The following SPEG variants were observed in gnomAD, a reference collection of about 807,000 sequenced individuals.
The protein encoded by SPEG is striated muscle enriched protein kinase.
SPEG carries 114 observed loss-of-function variants against 300.4 expected under a neutral mutation model. That is an observed-to-expected ratio of 0.38 (90% CI 0.33 to 0.44). The LOEUF is 0.44. Ranked by LOEUF, SPEG falls within the 20% of genes least tolerant of loss-of-function variation. SPEG has a pLI of 1.00. For synonymous variants in SPEG, 1,964 were observed against 2,018.9 expected (o/e 0.97, Z 0.73); for missense variants, 4,201 against 4,586.2 (o/e 0.92, Z 2.43).
intron 6 of SPEG, among the ~76,000 whole-genome samples, chr2:219,460,046 C>T (rs1690520397): frequency 6.6e-6 from 1 of 152,248 alleles, no homozygotes; most frequent in Admixed American, 6.5e-5. Flanking sequence ...AATGGGTTCT[C>T]ATGATAAGGG....
rs1361654243 is a variant in SPEG at position 219,451,256 on chromosome 2, T to C, written c.2234T>C (p.Ile745Thr). 1 of 1,612,484 alleles carries C rather than the reference T, an allele frequency of 6.2e-7. No homozygotes were observed. Among genetic ancestry groups the C allele is most frequent in the Non-Finnish European group, 8.5e-7 (1 of 1,179,460 alleles). The change falls in exon 5 of 41, where the codon ATC becomes ACC. Residue 745 changes from isoleucine (I) to threonine (T), a missense_variant. Physicochemically the swap from Ile to Thr is moderately conservative, Grantham distance 89. Around this residue, in one of 4 missense-constraint regions of SPEG, gnomAD observed 1,258 missense variants for 1,293.9 expected, o/e 0.97. Transcript: ENST00000312358. This position sits in a 1 kb window ranked among gnomAD's most constrained non-coding sequence, Gnocchi z 6.4. Reference sequence around the variant, plus strand: ...GCAGATGTGCTGCTCAAGTGTATCATCACTGCCAACCCCCCGCCCCAAGGT... The same window carrying C: ...GCAGATGTGCTGCTCAAGTGTATCACCACTGCCAACCCCCCGCCCCAAGGT... ...PGADVLLKCIITANPPPQVSW... is the reference protein window; with the variant it reads ...PGADVLLKCITTANPPPQVSW...
At position 219,466,368 on chromosome 2, in the gene SPEG, G is replaced by A. The variant is rs950358902; in HGVS notation, c.2882-806G>A. On this transcript the variant is annotated intron_variant, in intron 9 of 40. Transcript: ENST00000312358. ...AACCCCCCGAGTCTCTCCCTGAAGG[G>A]GAGCACCGGGCGAGTGCATGTGCTA... 5 of 1,385,982 alleles carry A rather than the reference G, an allele frequency of 3.6e-6. No homozygotes were observed. In the African/African-American group the frequency reaches 7.3e-5, roughly 20 times the overall value. 85.9% of individuals were successfully genotyped at this position (1,385,982 alleles called of 1,614,324 possible).
Position 219,462,353 on chromosome 2 carries a change from G to A in SPEG, c.2672G>A (p.Arg891His), listed in dbSNP as rs547176817. Residue 891 changes from arginine to histidine, a missense_variant, in exon 8 of 41, where the codon CGC (arginine) becomes CAC (histidine). Around this residue, in one of 4 missense-constraint regions of SPEG, gnomAD observed 1,047 missense variants for 1,356.8 expected, o/e 0.77. Coordinates refer to ENST00000312358, the MANE Select transcript of SPEG (RefSeq NM_005876.5). ...GGCCAAGATGTCATCATGAGCATCC[G>A]CGTGCAGGGGGAGCCCAAGCCTGTG... is the stretch of plus-strand genomic sequence containing the variant. ...REGQDVIMSIRVQGEPKPVVS... is the reference protein window; with the variant it reads ...REGQDVIMSIHVQGEPKPVVS... 46 of 1,566,048 alleles carry A rather than the reference G, an allele frequency of 2.9e-5. No homozygotes were observed. Among genetic ancestry groups the A allele is most frequent in the South Asian group, 9.4e-5 (8 of 85,130 alleles).
chr2:219,472,050 C>T, intron 14 of SPEG, 63 bp downstream of exon 14: 2 of 1,593,564 alleles, frequency 1.3e-6, no homozygotes, highest in South Asian at 1.1e-5. Context: ...TACGTGGGGG[C>T]TCAGGGAAAG....
At position 219,490,566 on chromosome 2, in the gene SPEG, G is replaced by C. The variant is rs376483388; in HGVS notation, c.9079G>C (p.Glu3027Gln). The C allele has an allele frequency of 3.1e-6, 5 of 1,614,018 alleles. No homozygotes were observed. The change falls in exon 37 of 41, where the codon GAG becomes CAG. Residue 3027 changes from glutamate (E) to glutamine (Q), a missense_variant. Transcript: ENST00000312358. ...LHHERIMSLH[E>Q]AYITPRYLVL... is the part of the protein sequence containing the mutation. Reference sequence around the variant, plus strand: ...CCACGAGCGGATCATGTCCCTGCACGAGGCCTACATCACCCCTCGGTACCT... The same window carrying C: ...CCACGAGCGGATCATGTCCCTGCACCAGGCCTACATCACCCCTCGGTACCT...
Position 219,449,275 on chromosome 2 carries a change from A to C in SPEG, c.2113+4A>C. 7.2e-7 allele frequency: 1 copy of C among 1,381,770 alleles called. No individual in the cohort carries two copies. The highest frequency in any genetic ancestry group is 9.4e-7 in the Non-Finnish European group (1 of 1,068,362). The allele number at this position is 1,381,770 out of a possible 1,614,324, so 85.6% of individuals were successfully genotyped here. On this transcript the variant is annotated splice_donor_region_variant and intron_variant, in intron 4 of 40. Transcript: ENST00000312358. ...CGGCCCACCTCCCCTGAGCTCGGTA[A>C]GGCCTCAGGGAGGGCTGACAAGGTG...
intron 1 of SPEG, chr2:219,441,874 T>C (rs886887298): frequency 3.4e-5 from 7 of 208,040 alleles, no homozygotes; most frequent in Non-Finnish European, 5.7e-5. Flanking sequence ...CCGCCGCCGC[T>C]GCTGCCGCCG....
Position 219,469,397 on chromosome 2 carries a change from T to TC in SPEG, c.3715+22dup. On this transcript the variant is annotated intron_variant, in intron 13 of 40. Coordinates refer to ENST00000312358, the MANE Select transcript of SPEG (RefSeq NM_005876.5). Reference sequence around the variant, plus strand: ...GACACAGTGTACGTGTCTGGGAAGTTCCCCGGGAGTGTCCCCTGCAGCACC... The same window carrying TC: ...GACACAGTGTACGTGTCTGGGAAGTTCCCCCGGGAGTGTCCCCTGCAGCACC... 3 of 1,596,066 alleles carry TC rather than the reference T, an allele frequency of 1.9e-6. No individual in the cohort carries two copies. Among genetic ancestry groups the TC allele is most frequent in the Non-Finnish European group, 2.6e-6 (3 of 1,167,060 alleles).
chr2:219,482,162 G>A (rs1212281008), intron 28 of SPEG: 5 of 190,716 alleles, frequency 2.6e-5, no homozygotes, highest in Admixed American at 5.3e-5. Context: ...AGGCATTGAT[G>A]GGGTCTTGGG....
At chr2:219,463,965 T>A (rs866707254) in intron 8 of SPEG, among the ~76,000 whole-genome samples, 3 of 151,288 alleles carry the variant, frequency 2.0e-5, no homozygotes, top group Middle Eastern at 3.2e-3. Context: ...CTACAAAAAA[T>A]ACAAAAATTA....
In SPEG at chr2:219,462,048, C is replaced by A. The variant is rs969309838; in HGVS notation, c.2607C>A (p.Pro869=). Residue 869 remains proline (P), a synonymous_variant, in exon 7 of 41, where the codon CCC becomes CCA. Coordinates refer to ENST00000312358, the MANE Select transcript of SPEG (RefSeq NM_005876.5). ...RSSDTGSKAP[P]TFKVSLMDQS... is the part of the protein sequence containing the mutation. The stretch of plus-strand genomic sequence containing the variant: ...CTGACACTGGCTCCAAGGCACCCCC[C>A]ACCTTCAAGGTCAGACCCCTGAGGC... 3.1e-6 allele frequency: 5 copies of A among 1,604,636 alleles called. No homozygotes were observed. The highest frequency in any genetic ancestry group is 2.7e-5 in the African/African-American group (2 of 74,262).
rs1692392709 is a variant in SPEG, at chr2:219,476,859, A to C, written c.4448-11A>C. The C allele has an allele frequency of 6.2e-7, 1 of 1,607,802 alleles. No homozygotes were observed. The highest frequency in any genetic ancestry group is 2.2e-5 in the East Asian group (1 of 44,806). ...CCCTTCTCTTCCCACCCCTATCCCC[A>C]TGTGTTTCAGAGGCCCCTCGGTTTG... On this transcript the variant is annotated splice_polypyrimidine_tract_variant and intron_variant, in intron 18 of 40. Coordinates refer to ENST00000312358, the MANE Select transcript of SPEG (RefSeq NM_005876.5).
intron 10 of SPEG, 143 bp from the exon 11 acceptor site, chr2:219,468,435 A>G: frequency 2.2e-6 from 2 of 903,150 alleles, no homozygotes; most frequent in East Asian, 2.6e-5. Context: ...ATCTGTGCCC[A>G]CTTCCTCCCC....
At position 219,471,891 on chromosome 2, in the gene SPEG, T is replaced by C. The variant is rs780961278; in HGVS notation, c.3739T>C (p.Phe1247Leu). ...TQYRDVHRLV[F>L]PAVGPQHAGV... ...AGACAGGGATGTCCATCGCTTGGTG[T>C]TCCCTGCCGTGGGGCCTCAGCACGC... The change falls in exon 14 of 41, where the codon TTC (phenylalanine) becomes CTC (leucine). Residue 1247 changes from phenylalanine (F) to leucine (L), a missense_variant. Coordinates refer to ENST00000312358, the MANE Select transcript of SPEG (RefSeq NM_005876.5). 6.2e-7 allele frequency: 1 copy of C among 1,614,024 alleles called. No homozygotes were observed. Among genetic ancestry groups the C allele is most frequent in the Non-Finnish European group, 8.5e-7 (1 of 1,179,980 alleles).
chr2:219,462,065 C>A lies in SPEG; in HGVS notation c.2616+8C>A. The A allele has an allele frequency of 6.3e-7, 1 of 1,592,544 alleles. No individual in the cohort carries two copies. The highest frequency in any genetic ancestry group is 2.2e-5 in the East Asian group (1 of 44,688). ...GCACCCCCCACCTTCAAGGTCAGAC[C>A]CCTGAGGCTGGGGCCTAGCCTCCTG... On this transcript the variant is annotated splice_region_variant and intron_variant, in intron 7 of 40. Transcript: ENST00000312358.
In SPEG at chr2:219,448,735, C is replaced by A. The variant is rs2125284376; in HGVS notation, c.1577C>A (p.Ser526Tyr). The change falls in exon 4 of 41, where the codon TCC becomes TAC. Residue 526 changes from serine to tyrosine, a missense_variant. By Grantham distance (144) the Ser-to-Tyr change is moderately radical. This residue lies in a region of SPEG where 1,258 missense variants were observed against 1,293.9 expected (regional missense o/e 0.97). Transcript: ENST00000312358. The stretch of plus-strand genomic sequence containing the variant: ...CGCGCCACGCTGCAGCGTGCCCCAT[C>A]CCCTCGAGAGCCCGGCGAGCCCCCG... ...SLRATLQRAP[S>Y]PREPGEPPLF... 4 of 1,487,032 alleles carry A rather than the reference C, an allele frequency of 2.7e-6. No individual in the cohort carries two copies. In the South Asian group the frequency reaches 5.0e-5, roughly 19 times the overall value. The allele number at this position is 1,487,032 out of a possible 1,614,324, so 92.1% of individuals were successfully genotyped here.
chr2:219,475,559 T>G (rs1692261058), intron 18 of SPEG, among the ~76,000 whole-genome samples: 1 of 152,116 alleles, frequency 6.6e-6, no homozygotes, highest in Admixed American at 6.5e-5. Context: ...GGGCGCTCTT[T>G]TAAGTGTCTC....
At chr2:219,472,076 T>C in intron 14 of SPEG, 89 bp downstream of exon 14, 3 of 1,550,682 alleles carry the variant, frequency 1.9e-6, no homozygotes, top group Non-Finnish European at 2.6e-6. Context: ...TCCACCCAGC[T>C]CCCTTCCCCT....
rs945878028 is a variant in SPEG at position 219,481,124 on chromosome 2, G to A, written c.5370-180G>A. 6.6e-6 allele frequency among the ~76,000 whole-genome samples: 1 copy of A among 151,852 alleles called. No homozygotes were observed. The highest frequency in any genetic ancestry group is 2.4e-5 in the African/African-American group (1 of 41,188). ...GGCAGCACCACCTCCCTGCCCATCA[G>A]GGGGGCTGGGGAGGGGACAGGGCAG... On this transcript the variant is annotated intron_variant, in intron 26 of 40. Coordinates refer to ENST00000312358, the MANE Select transcript of SPEG (RefSeq NM_005876.5). This position sits in a 1 kb window ranked among gnomAD's most constrained non-coding sequence, Gnocchi z 5.4.
Sources: gnomAD v4.1 joint callset for allele counts (sites outside exome capture counted in the v4.1 genomes callset) on GRCh38, gnomAD v4.1.1 for gene constraint, gnomAD v4.1.1 regional missense constraint, Gnocchi (gnomAD v3.1) non-coding constraint, MANE v1.5 for transcripts, NCBI Gene and HGNC (gene_info 2026-07-23, HGNC 2026-07-21) for gene names.